Variants in ZBTB40 observed in about 807,000 individuals in gnomAD.
ZBTB40 encodes the protein zinc finger and BTB domain containing 40, also known as zinc finger and BTB domain-containing protein 40.
ZBTB40 carries 60 observed loss-of-function variants against 117.5 expected under a neutral mutation model. The observed-to-expected ratio is 0.51, with a 90% CI of 0.41 to 0.63. The LOEUF (loss-of-function observed/expected upper bound fraction) is 0.63, where lower values mean the gene tolerates loss of function less well. Ranked by LOEUF, ZBTB40 falls within the 30% of genes least tolerant of loss-of-function variation. ZBTB40 has a pLI of 0.00. For missense variants in ZBTB40, 1,287 were observed against 1,498.5 expected (o/e 0.86, Z 2.33); for synonymous variants, 525 against 577.1 (o/e 0.91, Z 1.29).
chr1:22,467,776 G>GTT (rs35900750), intron 1 of ZBTB40, among the ~76,000 whole-genome samples: 10 of 130,476 alleles, frequency 7.7e-5, no homozygotes, highest in South Asian at 2.5e-4. Context: ...TGTCAGGCCT[G>GTT]TTTTTTTTTT....
intron 1 of ZBTB40, among the ~76,000 whole-genome samples, chr1:22,436,822 G>A (rs1569736195): frequency 1.3e-5 from 2 of 152,240 alleles, no homozygotes; most frequent in East Asian, 1.9e-4. Flanking sequence ...AATATGTAGT[G>A]TTGTATAACA....
rs892496369 is a variant in ZBTB40, at chr1:22,520,117, G to C, written c.2890G>C (p.Asp964His). Residue 964 changes from aspartate (D) to histidine (H), a missense_variant, in exon 14 of 18, where the codon GAT becomes CAT. Asp to His is a moderately conservative substitution (Grantham distance 81). This residue lies in a region of ZBTB40 where 417 missense variants were observed against 564.1 expected (regional missense o/e 0.74). Coordinates refer to ENST00000375647, the MANE Select transcript of ZBTB40 (RefSeq NM_014870.4). ...KCRMSFPTLQ[D>H]HRKHIHEVHS... ...CAGGATGAGTTTCCCCACTCTTCAG[G>C]ATCACCGGAAGCACATCCATGAGGT... 3.1e-6 allele frequency: 5 copies of C among 1,614,016 alleles called. No individual in the cohort carries two copies. Among genetic ancestry groups the C allele is most frequent in the Non-Finnish European group, 4.2e-6 (5 of 1,180,024 alleles).
At chr1:22,445,452 A>G (rs956303441) in intron 1 of ZBTB40, among the ~76,000 whole-genome samples, 16 of 152,146 alleles carry the variant, frequency 1.1e-4, no homozygotes, top group African/African-American at 3.9e-4. Context: ...AACACTTCCC[A>G]TATCCTCCCA....
intron 1 of ZBTB40, among the ~76,000 whole-genome samples, chr1:22,446,525 GA>G (rs1252425802): frequency 6.6e-6 from 1 of 151,758 alleles, no homozygotes; most frequent in Non-Finnish European, 1.5e-5. Flanking sequence ...AGAAGCCACA[GA>G]AAAATAAAAC....
In ZBTB40 at chr1:22,462,211, A is replaced by G. The variant is rs531446305; in HGVS notation, c.-70+10207A>G. Among the ~76,000 whole-genome samples the G allele has an allele frequency of 3.9e-5, 6 of 152,314 alleles. No homozygotes were observed. The South Asian group carries it at 1.2e-3, about 32-fold the overall frequency. The stretch of plus-strand genomic sequence containing the variant: ...AGAACTTCACCACTTTTTAAATTTT[A>G]AAGTTTGGGCAGTATCACTCAGTGG... On this transcript the variant is annotated intron_variant, in intron 1 of 17. Transcript: ENST00000375647.
rs1040302567 is a variant in ZBTB40 at position 22,529,075 on chromosome 1, T to C, written c.*2679T>C. ...GCTCCGCACTGGCTGACTGATTTTA[T>C]AGTCTTGCTCTCTAGAGAAGCCCAG... On this transcript the variant is annotated 3_prime_UTR_variant, in exon 18 of 18. Transcript: ENST00000375647. 2.0e-5 allele frequency: 3 copies of C among 152,344 alleles called. No individual in the cohort carries two copies. The highest frequency in any genetic ancestry group is 6.5e-5 in the Admixed American group (1 of 15,282). The allele number at this position is 152,344 out of a possible 1,614,324, so 9.4% of individuals were successfully genotyped here.
At chr1:22,510,742 A>C (rs536970552) in intron 9 of ZBTB40, among the ~76,000 whole-genome samples, 22 of 152,358 alleles carry the variant, frequency 1.4e-4, no homozygotes, top group Admixed American at 1.2e-3. Context: ...GCCACTGATC[A>C]TGCAGAATTA....
intron 1 of ZBTB40, among the ~76,000 whole-genome samples, chr1:22,468,465 C>CTTTTTTTTTTTTTTTTTTTTT (rs555995462): frequency 1.9e-5 from 1 of 51,708 alleles, no homozygotes; most frequent in Non-Finnish European, 3.4e-5. Flanking sequence ...TTAATGTTTC[C>CTTTTTTTTTTTTTTTTTTTTT]TTTTTTTTTT....
chr1:22,505,996 A>G, intron 5 of ZBTB40, 53 bp from the exon 6 acceptor site: 1 of 1,597,396 alleles, frequency 6.3e-7, no homozygotes, highest in Non-Finnish European at 8.6e-7. Context: ...AGTGTGTCAG[A>G]TAAATGTTGA....
At chr1:22,485,354 C>T (rs921403461) in intron 1 of ZBTB40, among the ~76,000 whole-genome samples, 13 of 152,058 alleles carry the variant, frequency 8.5e-5, no homozygotes, top group Non-Finnish European at 1.9e-4. Context: ...TCTATTGCTG[C>T]GTGTGTGAGT....
At chr1:22,517,529 G>A in intron 13 of ZBTB40, 65 bp downstream of exon 13, 1 of 1,564,686 alleles carries the variant, frequency 6.4e-7, no homozygotes, top group East Asian at 2.3e-5. Flanking sequence ...CGTGTCAATT[G>A]CAGCAGAGGT....
At chr1:22,433,732 G>T (rs1197112892) in intron 1 of ZBTB40, among the ~76,000 whole-genome samples, 3 of 150,186 alleles carry the variant, frequency 2.0e-5, no homozygotes, top group African/African-American at 4.9e-5. Context: ...AAGATGCTTA[G>T]AGCTTCTTCA....
At chr1:22,480,136 C>A (rs1638250058) in intron 1 of ZBTB40, among the ~76,000 whole-genome samples, 1 of 152,156 alleles carries the variant, frequency 6.6e-6, no homozygotes, top group Non-Finnish European at 1.5e-5. Flanking sequence ...GAACTCCTGA[C>A]CTCGAGTGAT....
intron 1 of ZBTB40, among the ~76,000 whole-genome samples, chr1:22,477,800 G>A (rs949273901): frequency 1.1e-4 from 16 of 152,052 alleles, no homozygotes; most frequent in African/African-American, 3.6e-4. Flanking sequence ...CTCCCGCCTC[G>A]GCCTCTCAAA....
At chr1:22,485,651 G>A (rs1557498957) in intron 1 of ZBTB40, among the ~76,000 whole-genome samples, 1 of 152,064 alleles carries the variant, frequency 6.6e-6, no homozygotes, top group Non-Finnish European at 1.5e-5. Flanking sequence ...AAATATTGCT[G>A]CTTTTCTCTC....
At chr1:22,457,887 C>T (rs559563018) in intron 1 of ZBTB40, among the ~76,000 whole-genome samples, 1 of 152,270 alleles carries the variant, frequency 6.6e-6, no homozygotes, top group South Asian at 2.1e-4. Context: ...TTCTTGACTC[C>T]TTTTGCTCCT....
chr1:22,501,972 G>T (rs1241477436), intron 4 of ZBTB40, among the ~76,000 whole-genome samples: 2 of 152,158 alleles, frequency 1.3e-5, no homozygotes, highest in African/African-American at 4.8e-5. Flanking sequence ...GAGTACCCAG[G>T]TTGGACTGGT....
At chr1:22,464,248 A>G (rs1487343432) in intron 1 of ZBTB40, among the ~76,000 whole-genome samples, 2 of 152,246 alleles carry the variant, frequency 1.3e-5, no homozygotes, top group Non-Finnish European at 2.9e-5. Context: ...AACATTCAAG[A>G]TTCGCACCCG....
chr1:22,474,307 C>T (rs754632623), intron 1 of ZBTB40, among the ~76,000 whole-genome samples: 4 of 152,230 alleles, frequency 2.6e-5, no homozygotes, highest in African/African-American at 4.8e-5. Context: ...GTGAGAGATA[C>T]TATCATGAAC....
Sources: gnomAD v4.1 joint callset for allele counts (sites outside exome capture counted in the v4.1 genomes callset) on GRCh38, gnomAD v4.1.1 for gene constraint, gnomAD v4.1.1 regional missense constraint, MANE v1.5 for transcripts, NCBI Gene and HGNC (gene_info 2026-07-23, HGNC 2026-07-21) for gene names.